The following CERT1 variants were observed in gnomAD, a reference collection of about 807,000 sequenced individuals.
CERT1 encodes the protein ceramide transporter 1.
Under a neutral mutation model 87.9 loss-of-function variants are expected in CERT1, and 31 were observed. The observed-to-expected ratio is 0.35, with a 90% CI of 0.27 to 0.48. CERT1 has a LOEUF of 0.48. CERT1 is among the 20% of genes least tolerant of loss of function. The probability of loss-of-function intolerance (pLI) is 0.99; values close to 1 mark genes in which losing one functional copy is unlikely to be tolerated. For missense variants in CERT1, 487 were observed against 758.0 expected (o/e 0.64, Z 4.20); for synonymous variants, 289 against 250.9 (o/e 1.15, Z -1.44).
At chr5:75,485,996 C>T (rs1319288464) in intron 2 of CERT1, among the ~76,000 whole-genome samples, 1 of 152,066 alleles carries the variant, frequency 6.6e-6, no homozygotes, top group Non-Finnish European at 1.5e-5. Flanking sequence ...CTTCCAAACT[C>T]ATTCTATGAG....
intron 3 of CERT1, among the ~76,000 whole-genome samples, chr5:75,427,027 T>C (rs1385375522): frequency 1.3e-5 from 2 of 152,236 alleles, no homozygotes; most frequent in Non-Finnish European, 1.5e-5. Context: ...GACTTGGATC[T>C]TTCTGGAAGC....
At chr5:75,370,814 T>C (rs969509134) in intron 17 of CERT1, 5 of 152,016 alleles carry the variant, frequency 3.3e-5, no homozygotes, top group African/African-American at 9.7e-5. Context: ...TAGCCGGGCA[T>C]AGTGCCTCAT....
Position 75,511,599 on chromosome 5 carries a change from C to T in CERT1, c.-392G>A, listed in dbSNP as rs1768010355. 2 of 1,466,608 alleles carry T rather than the reference C, an allele frequency of 1.4e-6. No homozygotes were observed. Among genetic ancestry groups the T allele is most frequent in the Non-Finnish European group, 1.8e-6 (2 of 1,108,954 alleles). 90.8% of individuals were successfully genotyped at this position (1,466,608 alleles called of 1,614,324 possible). A position where few individuals can be genotyped will look rare whatever the true frequency, so the allele number is the denominator to read the frequency against. Reference sequence around the variant, plus strand: ...CCGCGTCCACTCACACCTCCGCTACCGCCGCCATCTTCCTGCCTGGCCCAC... The same window carrying T: ...CCGCGTCCACTCACACCTCCGCTACTGCCGCCATCTTCCTGCCTGGCCCAC... On this transcript the variant is annotated 5_prime_UTR_variant, in exon 1 of 17. Transcript: ENST00000643780.
chr5:75,439,864 A>C (rs1764249643), intron 3 of CERT1, among the ~76,000 whole-genome samples: 2 of 152,058 alleles, frequency 1.3e-5, no homozygotes, highest in African/African-American at 4.8e-5. Flanking sequence ...TAGCATGACA[A>C]TTTCATGCTC....
chr5:75,403,187 G>A (rs1762567719), intron 8 of CERT1, 129 bp from the exon 9 acceptor site: 1 of 654,740 alleles, frequency 1.5e-6, no homozygotes. Context: ...TTACAAAGCA[G>A]TCAGTATACT....
At chr5:75,441,418 T>C (rs1216758096) in intron 3 of CERT1, among the ~76,000 whole-genome samples, 2 of 152,342 alleles carry the variant, frequency 1.3e-5, no homozygotes, top group Middle Eastern at 3.4e-3. Flanking sequence ...GTATTTGTTA[T>C]AAGGATACAC....
intron 7 of CERT1, among the ~76,000 whole-genome samples, chr5:75,413,381 G>A (rs2112136390): frequency 6.6e-6 from 1 of 152,294 alleles, no homozygotes; most frequent in South Asian, 2.1e-4. Context: ...GAATCAATGG[G>A]TTCATTAGAC....
At chr5:75,405,872 TGGG>T (rs141912723) in intron 8 of CERT1, among the ~76,000 whole-genome samples, 2,842 of 120,646 alleles carry the variant, frequency 0.024, 54 homozygotes, top group African/African-American at 0.049. Context: ...CTGCAGTTAC[TGGG>T]GGGGGGGGGG....
In CERT1 at chr5:75,411,098, A is replaced by G; in HGVS notation, c.843T>C (p.Thr281=). 1.3e-6 allele frequency: 2 copies of G among 1,549,722 alleles called. No individual in the cohort carries two copies. The highest frequency in any genetic ancestry group is 1.7e-4 in the Middle Eastern group (1 of 5,834). The change falls in exon 8 of 17, where the codon ACT becomes ACC. Residue 281 remains threonine, a synonymous_variant. Transcript: ENST00000643780. The part of the protein sequence containing the change: ...DSWQKRLDKE[T]EKKRRTEEAY... The stretch of plus-strand genomic sequence containing the variant: ...CTTCCTCTGTTCTTCTTTTCTTCTC[A>G]GTTTCCTATTAAAAAGAAGTGAAAA...
intron 4 of CERT1, 109 bp from the exon 5 acceptor site, chr5:75,425,608 C>T (rs755791585): frequency 2.9e-6 from 3 of 1,018,106 alleles, no homozygotes; most frequent in Non-Finnish European, 4.3e-6. Flanking sequence ...TAACTGAGGG[C>T]ATGGGATAAG....
intron 3 of CERT1, among the ~76,000 whole-genome samples, chr5:75,444,661 C>G (rs1042283282): frequency 6.7e-5 from 10 of 150,160 alleles, no homozygotes. Context: ...ATTCTCCTAT[C>G]TCAGCCTCCC....
intron 11 of CERT1, among the ~76,000 whole-genome samples, chr5:75,392,897 G>A (rs532830582): frequency 1.7e-4 from 25 of 146,042 alleles, no homozygotes; most frequent in Admixed American, 4.9e-4. Context: ...GTGAACCTGC[G>A]AGGCGGAGGT....
At chr5:75,440,262 A>T (rs1363599561) in intron 3 of CERT1, among the ~76,000 whole-genome samples, 1 of 152,112 alleles carries the variant, frequency 6.6e-6, no homozygotes, top group Non-Finnish European at 1.5e-5. Context: ...ATAAATTTTA[A>T]AACATTTATT....
At chr5:75,439,307 A>G (rs1405237659) in intron 3 of CERT1, among the ~76,000 whole-genome samples, 7 of 152,148 alleles carry the variant, frequency 4.6e-5, no homozygotes, top group Middle Eastern at 6.8e-3. Flanking sequence ...CATTCTGAAC[A>G]GTTTGTTCAT....
At chr5:75,448,020 C>T (rs927309045) in intron 3 of CERT1, among the ~76,000 whole-genome samples, 1 of 152,112 alleles carries the variant, frequency 6.6e-6, no homozygotes, top group Non-Finnish European at 1.5e-5. Context: ...TGTAATACAA[C>T]AATTTGCAGG....
At chr5:75,490,237 C>T (rs1162258845) in intron 2 of CERT1, among the ~76,000 whole-genome samples, 1 of 152,140 alleles carries the variant, frequency 6.6e-6, no homozygotes, top group African/African-American at 2.4e-5. Flanking sequence ...AGCAGAAATA[C>T]CTAGTGTAGA....
In CERT1 at chr5:75,384,667, G is replaced by T. The variant is rs1457564499; in HGVS notation, c.1463C>A (p.Ala488Glu). The part of the protein sequence containing the change: ...FHVVETLADN[A>E]IIIYQTHKRV... ...CTTGTGTGTTTGATAAATGATGATT[G>T]CATTATCAGCTAATGTTTCCACCAC... The change falls in exon 14 of 17, where the codon GCA (alanine) becomes GAA (glutamate). Residue 488 changes from alanine (A) to glutamate (E), a missense_variant. This residue lies in a region of CERT1 where 147 missense variants were observed against 200.8 expected (regional missense o/e 0.73). Coordinates refer to ENST00000643780, the MANE Select transcript of CERT1 (RefSeq NM_001379029.1). The T allele has an allele frequency of 6.2e-7, 1 of 1,605,596 alleles. No individual in the cohort carries two copies. The highest frequency in any genetic ancestry group is 1.7e-5 in the Admixed American group (1 of 59,968).
intron 3 of CERT1, among the ~76,000 whole-genome samples, chr5:75,445,660 T>C (rs1001588547): frequency 2.0e-5 from 3 of 152,000 alleles, no homozygotes; most frequent in Admixed American, 6.6e-5. Context: ...TTGTCAGACA[T>C]AGGATTGGGT....
intron 14 of CERT1, among the ~76,000 whole-genome samples, chr5:75,382,603 T>C (rs1561221661): frequency 1.3e-5 from 2 of 152,006 alleles, no homozygotes; most frequent in African/African-American, 2.4e-5. Context: ...AAACATATAC[T>C]ATGGGAATGA....
Sources: gnomAD v4.1 joint callset for allele counts (sites outside exome capture counted in the v4.1 genomes callset) on GRCh38, gnomAD v4.1.1 for gene constraint, gnomAD v4.1.1 regional missense constraint, MANE v1.5 for transcripts, NCBI Gene and HGNC (gene_info 2026-07-23, HGNC 2026-07-21) for gene names.